The following EBF1 variants were observed in gnomAD, a reference collection of about 807,000 sequenced individuals.
The protein encoded by EBF1 is transcription factor COE1.
A neutral mutation model predicts 68.4 loss-of-function variants in EBF1; 10 were observed. The ratio of observed to expected loss-of-function variants is 0.15; its 90% CI spans 0.09 to 0.25. EBF1 has a LOEUF of 0.25. Ranked by LOEUF, EBF1 falls within the 10% of genes least tolerant of loss-of-function variation. EBF1 has a pLI of 1.00. For missense variants in EBF1, 509 were observed against 794.4 expected (o/e 0.64, Z 4.32); for synonymous variants, 298 against 299.8 (o/e 0.99, Z 0.06).
rs1581226240 is a variant in EBF1, at chr5:158,712,352, A to G, written c.1370-19T>C. On this transcript the variant is annotated intron_variant, in intron 13 of 15. Transcript: ENST00000313708. The stretch of plus-strand genomic sequence containing the variant: ...GTGAAACCTGAGGGGCGGGGGCAAA[A>G]CCGGAGGTGAGGGTGGCATTCAGAT... 1.9e-6 allele frequency: 3 copies of G among 1,611,668 alleles called. No individual in the cohort carries two copies. The highest frequency in any genetic ancestry group is 1.3e-5 in the African/African-American group (1 of 75,008).
intron 6 of EBF1, among the ~76,000 whole-genome samples, chr5:158,916,731 C>A (rs916136199): frequency 6.6e-6 from 1 of 152,134 alleles, no homozygotes; most frequent in African/African-American, 2.4e-5. Context: ...TCAATGCTGG[C>A]CAAATTTAAT....
chr5:159,067,153 T>C (rs1561932829), intron 6 of EBF1, among the ~76,000 whole-genome samples: 1 of 152,088 alleles, frequency 6.6e-6, no homozygotes, highest in Non-Finnish European at 1.5e-5. Context: ...GGAGAGAGTT[T>C]TTCCCCCCAT....
intron 6 of EBF1, among the ~76,000 whole-genome samples, chr5:158,994,211 T>A (rs1760956443): frequency 1.3e-5 from 2 of 152,270 alleles, no homozygotes; most frequent in South Asian, 2.1e-4. Context: ...CCTCTTTAAC[T>A]TCCCCACCCA....
chr5:158,698,828 A>T lies in EBF1; in HGVS notation c.*283T>A. 1 of 326,506 alleles carries T rather than the reference A, an allele frequency of 3.1e-6. No homozygotes were observed. Among genetic ancestry groups the T allele is most frequent in the Admixed American group, 4.7e-5 (1 of 21,082 alleles). 20.2% of individuals were successfully genotyped at this position (326,506 alleles called of 1,614,324 possible). A position where few individuals can be genotyped will look rare whatever the true frequency, so the allele number is the denominator to read the frequency against. The stretch of plus-strand genomic sequence containing the variant: ...TGATTGCAGAATTAAGCTTAAAAAA[A>T]AAAAAGAAAAAGAAAAAGTGGATTT... On this transcript the variant is annotated 3_prime_UTR_variant, in exon 16 of 16. Transcript: ENST00000313708.
At chr5:158,773,529 TG>T (rs1238734292) in intron 10 of EBF1, among the ~76,000 whole-genome samples, 1 of 152,128 alleles carries the variant, frequency 6.6e-6, no homozygotes, top group Non-Finnish European at 1.5e-5. Flanking sequence ...CACCAACTTT[TG>T]GGGGGTCAGG....
chr5:158,771,909 A>C lies in EBF1; in HGVS notation c.1036+5504T>G, dbSNP rs192799194. On this transcript the variant is annotated intron_variant, in intron 10 of 15. Coordinates refer to ENST00000313708, the MANE Select transcript of EBF1 (RefSeq NM_024007.5). ...TTGCTATCAGCCCAGGGCTCTGTCC[A>C]CTATACCACAGCGGTCAGAGAACAC... 3.3e-5 allele frequency among the ~76,000 whole-genome samples: 5 copies of C among 152,272 alleles called. No homozygotes were observed. In the South Asian group the frequency reaches 1.0e-3, roughly 32 times the overall value.
intron 8 of EBF1, among the ~76,000 whole-genome samples, chr5:158,812,000 A>G (rs180699062): frequency 1.2e-4 from 19 of 152,206 alleles, no homozygotes; most frequent in Non-Finnish European, 2.1e-4. Context: ...CTGTATTTGT[A>G]CCTTATAGCA....
At chr5:158,738,021 A>G (rs1212319388) in intron 10 of EBF1, among the ~76,000 whole-genome samples, 4 of 152,224 alleles carry the variant, frequency 2.6e-5, no homozygotes, top group Non-Finnish European at 5.9e-5. Context: ...TAATGTTAAC[A>G]TAATTATTAT....
chr5:158,805,189 TA>T (rs545525838), intron 8 of EBF1, among the ~76,000 whole-genome samples: 1 of 152,072 alleles, frequency 6.6e-6, no homozygotes, highest in South Asian at 2.1e-4. Flanking sequence ...ATTTTCAGGT[TA>T]AAAAAATATG....
At chr5:158,731,578 C>G (rs1366130980) in intron 10 of EBF1, among the ~76,000 whole-genome samples, 2 of 152,144 alleles carry the variant, frequency 1.3e-5, no homozygotes. Flanking sequence ...CTGCAAAATC[C>G]TTAGCGGACC....
At chr5:158,990,522 T>C (rs1760104863) in intron 6 of EBF1, among the ~76,000 whole-genome samples, 1 of 152,198 alleles carries the variant, frequency 6.6e-6, no homozygotes, top group African/African-American at 2.4e-5. Flanking sequence ...GCTCTTATTG[T>C]GATGTCAGTC....
At chr5:159,023,655 T>G (rs886548787) in intron 6 of EBF1, among the ~76,000 whole-genome samples, 4 of 152,236 alleles carry the variant, frequency 2.6e-5, no homozygotes, top group South Asian at 2.1e-4. Flanking sequence ...AATTTTTATG[T>G]TACGTTGCCT....
At chr5:158,700,216 G>A (rs926736011) in intron 15 of EBF1, among the ~76,000 whole-genome samples, 1 of 152,228 alleles carries the variant, frequency 6.6e-6, no homozygotes, top group Admixed American at 6.5e-5. Flanking sequence ...TGTCAAATAG[G>A]CACCATCCCA....
At chr5:158,863,610 G>A (rs927801088) in intron 6 of EBF1, among the ~76,000 whole-genome samples, 8 of 152,168 alleles carry the variant, frequency 5.3e-5, no homozygotes, top group Middle Eastern at 3.4e-3. Flanking sequence ...TGTAAACCAC[G>A]TGTGTGTGTG....
At chr5:158,915,462 T>C (rs781473833) in intron 6 of EBF1, among the ~76,000 whole-genome samples, 2 of 152,344 alleles carry the variant, frequency 1.3e-5, no homozygotes, top group East Asian at 3.9e-4. Context: ...AAGTAGGACA[T>C]GGCCACAGCA....
intron 6 of EBF1, among the ~76,000 whole-genome samples, chr5:158,957,439 A>G (rs1817359760): frequency 6.6e-6 from 1 of 152,268 alleles, no homozygotes; most frequent in African/African-American, 2.4e-5. Flanking sequence ...CTGGCATAAT[A>G]TCTGGCCTAT....
intron 6 of EBF1, among the ~76,000 whole-genome samples, chr5:158,969,912 GAAAGAAAAAAAA>G (rs779950778): frequency 0.013 from 1,175 of 92,272 alleles, 26 homozygotes; most frequent in Non-Finnish European, 0.015. Context: ...AAGAAAGAAA[GAAAGAAAAAAAA>G]AAAAAAGGCT....
intron 10 of EBF1, among the ~76,000 whole-genome samples, chr5:158,762,191 A>T (rs1771617163): frequency 6.6e-6 from 1 of 152,216 alleles, no homozygotes; most frequent in Admixed American, 6.5e-5. Flanking sequence ...AAGGATTCAC[A>T]CCATAAATGC....
intron 6 of EBF1, among the ~76,000 whole-genome samples, chr5:158,954,991 A>AT (rs1370474788): frequency 6.6e-6 from 1 of 152,070 alleles, no homozygotes; most frequent in East Asian, 1.9e-4. Flanking sequence ...TGTGCCAAGC[A>AT]TTTTTTTTCC....
Sources: allele counts gnomAD v4.1 joint callset (sites outside exome capture counted in the v4.1 genomes callset), GRCh38; gene constraint gnomAD v4.1.1; transcripts MANE v1.5; gene names NCBI Gene and HGNC (gene_info 2026-07-23, HGNC 2026-07-21).